The following RAB39A variants were observed in gnomAD, a reference collection of about 807,000 sequenced individuals.
RAB39A encodes RAB39A, member RAS oncogene family.
Under a neutral mutation model 20.9 loss-of-function variants are expected in RAB39A, and 17 were observed. The observed-to-expected ratio is 0.81, with a 90% CI of 0.56 to 1.22. The LOEUF is 1.22. Among genes scored for constraint, RAB39A ranks in the 50% most tolerant of loss-of-function variants. The pLI is 0.00. For missense variants in RAB39A, 234 were observed against 270.5 expected, an observed-to-expected ratio of 0.87 and a Z score of 0.95; for synonymous variants, 99 against 103.4, an observed-to-expected ratio of 0.96 and a Z score of 0.26.
intron 1 of RAB39A, among the ~76,000 whole-genome samples, chr11:107,958,418 A>G (rs1467325462): frequency 6.6e-6 from 1 of 152,200 alleles, no homozygotes; most frequent in Admixed American, 6.5e-5. Context: ...CAAGAGAAAG[A>G]TAGCTGCTCC....
chr11:107,943,295 G>A (rs1311626434), intron 1 of RAB39A, among the ~76,000 whole-genome samples: 3 of 152,114 alleles, frequency 2.0e-5, no homozygotes, highest in African/African-American at 7.2e-5. Context: ...GGACAGGCTG[G>A]GCGCAGTGGC....
intron 1 of RAB39A, among the ~76,000 whole-genome samples, chr11:107,945,956 C>G (rs901030040): frequency 6.6e-6 from 1 of 152,058 alleles, no homozygotes; most frequent in East Asian, 1.9e-4. Context: ...TGCTGGCAGT[C>G]AAGCCTTCAC....
At chr11:107,950,744 C>T (rs917902027) in intron 1 of RAB39A, among the ~76,000 whole-genome samples, 2 of 137,384 alleles carry the variant, frequency 1.5e-5, no homozygotes, top group Non-Finnish European at 3.1e-5. Flanking sequence ...CCAGCCTGGG[C>T]GACAGAGCGA....
At chr11:107,961,815 A>C in intron 1 of RAB39A, 131 bp from the exon 2 acceptor site, 1 of 772,720 alleles carries the variant, frequency 1.3e-6, no homozygotes, top group Non-Finnish European at 2.0e-6. Flanking sequence ...GAGATACCTC[A>C]TATTTTATTT....
rs1415685404 is a variant in RAB39A at position 107,939,487 on chromosome 11, C to T, written c.227+10692C>T. On this transcript the variant is annotated intron_variant, in intron 1 of 1. Transcript: ENST00000320578. ...AAAATTAGCCGGGCATGGTGGCAGG[C>T]GCCTGTAGTCCCAGCTGGAGGCTGA... Among the ~76,000 whole-genome samples, 9 of 149,774 alleles carry T rather than the reference C, an allele frequency of 6.0e-5. 1 individual carries two copies. In the South Asian group the frequency reaches 1.5e-3, roughly 25 times the overall value.
chr11:107,946,505 C>A (rs1861320349), intron 1 of RAB39A, among the ~76,000 whole-genome samples: 1 of 107,094 alleles, frequency 9.3e-6, no homozygotes, highest in Admixed American at 1.2e-4. Context: ...CAGAGTCTCG[C>A]TCTGTTGCCC....
intron 1 of RAB39A, among the ~76,000 whole-genome samples, chr11:107,940,690 C>A (rs889832350): frequency 6.6e-6 from 1 of 152,062 alleles, no homozygotes; most frequent in Non-Finnish European, 1.5e-5. Context: ...ATGACCACCT[C>A]GGCCGGGTGT....
Position 107,946,456 on chromosome 11 carries a change from ATATATTTTTTTT to A in RAB39A, c.228-15488_228-15477del, listed in dbSNP as rs1565464327. 4.7e-3 allele frequency among the ~76,000 whole-genome samples: 205 copies of A among 43,562 alleles called. 3 individuals carry two copies. The highest frequency in any genetic ancestry group is 6.9e-3 in the Non-Finnish European group (152 of 21,972). 28.6% of individuals were successfully genotyped at this position (43,562 alleles called of 152,430 possible). A position where few individuals can be genotyped will look rare whatever the true frequency, so the allele number is the denominator to read the frequency against. ...TGTGTGTATATATATATATATATAT[ATATATTTTTTTT>A]TTTTTTTTTTTTTTTTTTTTTTGAG... is the stretch of plus-strand genomic sequence containing the variant. On this transcript the variant is annotated intron_variant, in intron 1 of 1. Transcript: ENST00000320578.
chr11:107,946,436 G>GTATATATA (rs1565464268), intron 1 of RAB39A, among the ~76,000 whole-genome samples: 10 of 30,482 alleles, frequency 3.3e-4, no homozygotes, highest in African/African-American at 1.1e-3. Flanking sequence ...GTGTGTGTGT[G>GTATATATA]TATATATATA....
intron 1 of RAB39A, among the ~76,000 whole-genome samples, chr11:107,959,668 A>G (rs1861475764): frequency 6.6e-6 from 1 of 152,222 alleles, no homozygotes; most frequent in Non-Finnish European, 1.5e-5. Context: ...AAGAGGAGGT[A>G]AAATGGTTTG....
intron 1 of RAB39A, among the ~76,000 whole-genome samples, chr11:107,932,934 C>T (rs574204815): frequency 6.6e-6 from 1 of 152,122 alleles, no homozygotes; most frequent in Non-Finnish European, 1.5e-5. Context: ...TGGTCTCGAG[C>T]TCCTGGGCTC....
At chr11:107,937,857 A>T (rs1861211851) in intron 1 of RAB39A, among the ~76,000 whole-genome samples, 1 of 152,196 alleles carries the variant, frequency 6.6e-6, no homozygotes, top group Non-Finnish European at 1.5e-5. Flanking sequence ...CTATCCAGTG[A>T]ATCAGCTCCC....
chr11:107,951,252 C>G (rs1861375876), intron 1 of RAB39A, among the ~76,000 whole-genome samples: 1 of 152,190 alleles, frequency 6.6e-6, no homozygotes, highest in Admixed American at 6.5e-5. Flanking sequence ...CTCTTGAAAA[C>G]AGTGCTGAGG....
intron 1 of RAB39A, among the ~76,000 whole-genome samples, chr11:107,940,114 A>T (rs1861244337): frequency 6.6e-6 from 1 of 152,056 alleles, no homozygotes; most frequent in South Asian, 2.1e-4. Context: ...TTGTGTCCTG[A>T]CTGATTTGGA....
intron 1 of RAB39A, among the ~76,000 whole-genome samples, chr11:107,960,077 G>A (rs929794631): frequency 6.6e-6 from 1 of 152,110 alleles, no homozygotes; most frequent in African/African-American, 2.4e-5. Context: ...GGGGGTGGTG[G>A]CATGCGCCTA....
In RAB39A at chr11:107,949,060, C is replaced by A. The variant is rs1861346958; in HGVS notation, c.228-12886C>A. Among the ~76,000 whole-genome samples, 4 of 152,274 alleles carry A rather than the reference C, an allele frequency of 2.6e-5. No individual in the cohort carries two copies. The South Asian group carries it at 8.3e-4, about 32-fold the overall frequency. On this transcript the variant is annotated intron_variant, in intron 1 of 1. Coordinates refer to ENST00000320578, the MANE Select transcript of RAB39A (RefSeq NM_017516.3). ...TTTGGAGCCAGGCCAATGGCTCACA[C>A]CTGTAATCCTAGCACTTTGGGAGGC... is the stretch of plus-strand genomic sequence containing the variant.
chr11:107,960,885 C>T (rs1378972761), intron 1 of RAB39A, among the ~76,000 whole-genome samples: 1 of 152,174 alleles, frequency 6.6e-6, no homozygotes, highest in Non-Finnish European at 1.5e-5. Flanking sequence ...CTTCTGTCTC[C>T]AGCCAGCGCC....
At chr11:107,951,095 A>G (rs1861373813) in intron 1 of RAB39A, among the ~76,000 whole-genome samples, 1 of 152,206 alleles carries the variant, frequency 6.6e-6, no homozygotes. Flanking sequence ...AAGATCCTGG[A>G]GTTACACAAA....
Position 107,962,156 on chromosome 11 carries a change from A to G in RAB39A, c.438A>G (p.Ser146=), listed in dbSNP as rs750370765. Residue 146 remains serine (S), a synonymous_variant, in exon 2 of 2, where the codon TCA becomes TCG. Transcript: ENST00000320578. Reference sequence around the variant, plus strand: ...CAAGGGAAGAAGCTGAAAAACTGTCAGCAGACTGTGGAATGAAGTATATAG... The same window carrying G: ...CAAGGGAAGAAGCTGAAAAACTGTCGGCAGACTGTGGAATGAAGTATATAG... ...QVTREEAEKL[S]ADCGMKYIET... 3 of 1,614,090 alleles carry G rather than the reference A, an allele frequency of 1.9e-6. No homozygotes were observed. Among genetic ancestry groups the G allele is most frequent in the Non-Finnish European group, 2.5e-6 (3 of 1,180,032 alleles).
Sources: gnomAD v4.1 joint callset for allele counts (sites outside exome capture counted in the v4.1 genomes callset) on GRCh38, gnomAD v4.1.1 for gene constraint, MANE v1.5 for transcripts, NCBI Gene and HGNC (gene_info 2026-07-23, HGNC 2026-07-21) for gene names.